Variants in DCC observed in about 807,000 individuals in gnomAD.
DCC encodes netrin receptor DCC.
Under a neutral mutation model 172.5 loss-of-function variants are expected in DCC, and 58 were observed. The observed-to-expected ratio is 0.34, with a 90% CI of 0.27 to 0.42. The LOEUF is 0.42. Among genes scored for constraint, DCC ranks in the 10% least tolerant of loss-of-function variants. DCC has a pLI of 1.00. For missense variants in DCC, 1,740 were observed against 1,791.0 expected (o/e 0.97, Z 0.51); for synonymous variants, 709 against 644.5 (o/e 1.10, Z -1.52).
At chr18:52,654,157 T>C (rs1400665604) in intron 1 of DCC, among the ~76,000 whole-genome samples, 1 of 152,218 alleles carries the variant, frequency 6.6e-6, no homozygotes, top group Non-Finnish European at 1.5e-5. Flanking sequence ...AAAGCACTTA[T>C]TAATTCTTGC....
chr18:52,945,495 C>A lies in DCC; in HGVS notation c.985+20125C>A, dbSNP rs1232616077. Among the ~76,000 whole-genome samples the A allele has an allele frequency of 2.0e-5, 3 of 152,316 alleles. No individual in the cohort carries two copies. The East Asian group carries it at 5.8e-4, about 29-fold the overall frequency. ...ATTACAGATAACTAGAAGTTCATTT[C>A]TAGGGCATTAGACATTTTCATTATT... On this transcript the variant is annotated intron_variant, in intron 5 of 28. Transcript: ENST00000442544.
chr18:53,452,394 G>T (rs967113139), intron 23 of DCC, among the ~76,000 whole-genome samples: 1 of 152,118 alleles, frequency 6.6e-6, no homozygotes, highest in Admixed American at 6.5e-5. Flanking sequence ...CCCCCGCCCC[G>T]TGTCATTTCT....
intron 1 of DCC, among the ~76,000 whole-genome samples, chr18:52,420,074 T>C (rs16954938): frequency 0.026 from 3,987 of 152,282 alleles, 185 homozygotes; most frequent in African/African-American, 0.09. Context: ...GACAAAGTTG[T>C]ATTTTTCCAA....
chr18:53,306,815 C>A (rs1427951071), intron 13 of DCC, among the ~76,000 whole-genome samples: 2 of 151,442 alleles, frequency 1.3e-5, no homozygotes, highest in African/African-American at 2.4e-5. Context: ...GCAAGCAAAG[C>A]ATATAGAATG....
At chr18:53,273,748 C>A (rs1183080747) in intron 12 of DCC, among the ~76,000 whole-genome samples, 1 of 149,336 alleles carries the variant, frequency 6.7e-6, no homozygotes, top group Non-Finnish European at 1.5e-5. Flanking sequence ...TTTTTTTTAC[C>A]CCAGTTATTT....
intron 12 of DCC, among the ~76,000 whole-genome samples, chr18:53,292,371 A>G (rs1162650014): frequency 6.6e-6 from 1 of 152,254 alleles, no homozygotes; most frequent in East Asian, 1.9e-4. Flanking sequence ...TCATCTGAAT[A>G]TGGGAAAATT....
intron 1 of DCC, among the ~76,000 whole-genome samples, chr18:52,357,936 T>TAAAAA (rs59238295): frequency 1.6e-5 from 2 of 123,406 alleles, no homozygotes; most frequent in Non-Finnish European, 1.7e-5. Flanking sequence ...AGACTCTGTG[T>TAAAAA]AAAAAAAAAA....
At chr18:53,097,138 T>C (rs1456899667) in intron 7 of DCC, among the ~76,000 whole-genome samples, 1 of 152,234 alleles carries the variant, frequency 6.6e-6, no homozygotes, top group African/African-American at 2.4e-5. Context: ...AATTGCTTAA[T>C]ACATTTAATT....
At chr18:52,693,465 T>C (rs2035963289) in intron 1 of DCC, among the ~76,000 whole-genome samples, 1 of 147,342 alleles carries the variant, frequency 6.8e-6, no homozygotes, top group East Asian at 2.0e-4. Context: ...TATCTATGTG[T>C]CTGTATATAT....
chr18:52,731,513 G>C (rs2036642207), intron 1 of DCC, among the ~76,000 whole-genome samples: 1 of 152,196 alleles, frequency 6.6e-6, no homozygotes, highest in Non-Finnish European at 1.5e-5. Flanking sequence ...TATAGTGAAA[G>C]GGTTTAGGAC....
intron 1 of DCC, among the ~76,000 whole-genome samples, chr18:52,696,232 T>C (rs965345612): frequency 6.6e-6 from 1 of 152,242 alleles, no homozygotes; most frequent in Admixed American, 6.5e-5. Context: ...GAATCATATG[T>C]GACCTTGAAG....
intron 1 of DCC, among the ~76,000 whole-genome samples, chr18:52,745,082 A>T (rs1251631935): frequency 6.6e-6 from 1 of 152,230 alleles, no homozygotes; most frequent in Admixed American, 6.5e-5. Context: ...TGGTTGTAAC[A>T]GAGGAAAGAT....
chr18:52,501,992 G>A (rs896056457), intron 1 of DCC, among the ~76,000 whole-genome samples: 4 of 152,136 alleles, frequency 2.6e-5, no homozygotes, highest in African/African-American at 4.8e-5. Context: ...CTTAAAACTT[G>A]TCTCAGATCC....
intron 7 of DCC, among the ~76,000 whole-genome samples, chr18:53,119,528 C>G (rs1161871551): frequency 1.3e-5 from 2 of 151,800 alleles, no homozygotes; most frequent in African/African-American, 4.8e-5. Flanking sequence ...TAGCAAACCA[C>G]AAATGGCACA....
chr18:53,058,833 TC>T (rs1211785902), intron 5 of DCC, among the ~76,000 whole-genome samples: 1 of 152,166 alleles, frequency 6.6e-6, no homozygotes, highest in African/African-American at 2.4e-5. Flanking sequence ...CCACAGGGTT[TC>T]CAAAAGGAGA....
chr18:52,438,354 T>C (rs1252687538), intron 1 of DCC, among the ~76,000 whole-genome samples: 1 of 152,218 alleles, frequency 6.6e-6, no homozygotes, highest in Non-Finnish European at 1.5e-5. Flanking sequence ...TATTTCTCTA[T>C]GTGGTGTTTC....
chr18:52,891,071 T>C (rs1199773688), intron 2 of DCC, among the ~76,000 whole-genome samples: 2 of 152,086 alleles, frequency 1.3e-5, no homozygotes, highest in Admixed American at 1.3e-4. Flanking sequence ...AATGACAAGA[T>C]AGCTTAGTTA....
chr18:53,368,363 C>A (rs940966456), intron 15 of DCC, among the ~76,000 whole-genome samples: 1 of 151,994 alleles, frequency 6.6e-6, no homozygotes, highest in African/African-American at 2.4e-5. Flanking sequence ...AACTTACAAA[C>A]CCTTTATTCT....
At chr18:53,268,790 A>G (rs772028832) in intron 12 of DCC, among the ~76,000 whole-genome samples, 95 of 152,312 alleles carry the variant, frequency 6.2e-4, no homozygotes, top group Middle Eastern at 6.8e-3. Context: ...TGAGGGGCCA[A>G]AGACACTGCC....
Sources: allele counts gnomAD v4.1 joint callset (sites outside exome capture counted in the v4.1 genomes callset), GRCh38; gene constraint gnomAD v4.1.1; transcripts MANE v1.5; gene names NCBI Gene and HGNC (gene_info 2026-07-23, HGNC 2026-07-21).